The following C2CD3 variants were observed in gnomAD, a reference collection of about 807,000 sequenced individuals.
C2CD3 encodes the protein C2 domain-containing protein 3.
C2CD3 carries 148 observed loss-of-function variants against 234.0 expected under a neutral mutation model. The observed-to-expected ratio is 0.63, with a 90% CI of 0.55 to 0.72. The LOEUF (loss-of-function observed/expected upper bound fraction) is 0.72, where lower values mean the gene tolerates loss of function less well. C2CD3 is among the 30% of genes least tolerant of loss of function. C2CD3 has a pLI of 0.00. For synonymous variants in C2CD3, 1,000 were observed against 1,035.4 expected (o/e 0.97, Z 0.66); for missense variants, 2,577 against 2,811.5 (o/e 0.92, Z 1.89).
rs186543287 is a variant in C2CD3, at chr11:74,081,771, T to A, written c.4001-3054A>T. On this transcript the variant is annotated intron_variant, in intron 22 of 32. Coordinates refer to ENST00000334126, the MANE Select transcript of C2CD3 (RefSeq NM_001286577.2). Reference sequence around the variant, plus strand: ...CAAGAAAGGGAGTTCACTCATGATTTGGCTCTCTGTTTGTCTGCTATTGGT... The same window carrying A: ...CAAGAAAGGGAGTTCACTCATGATTAGGCTCTCTGTTTGTCTGCTATTGGT... Among the ~76,000 whole-genome samples, 560 of 152,360 alleles carry A rather than the reference T, an allele frequency of 3.7e-3. 2 individuals carry two copies. Among genetic ancestry groups the A allele is most frequent in the Non-Finnish European group, 6.4e-3 (438 of 68,042 alleles).
chr11:74,013,588 G>A (rs1951771193), intron 32 of C2CD3, 63 bp from the exon 33 acceptor site: 1 of 1,039,626 alleles, frequency 9.6e-7, no homozygotes, highest in East Asian at 3.2e-5. Context: ...GGATGACGCT[G>A]GTTTCTCTCA....
chr11:74,107,299 T>C (rs1487084953), intron 12 of C2CD3, among the ~76,000 whole-genome samples: 2 of 148,042 alleles, frequency 1.4e-5, no homozygotes, highest in African/African-American at 5.2e-5. Flanking sequence ...CACTCCAGCC[T>C]GGGCAACAAG....
chr11:74,084,972 T>A lies in C2CD3; in HGVS notation c.3911-2A>T, dbSNP rs149366137. The A allele has an allele frequency of 1.7e-4, 269 of 1,597,040 alleles. No homozygotes were observed. The highest frequency in any genetic ancestry group is 2.2e-4 in the Non-Finnish European group (256 of 1,165,592). ...ACTCAATACTGATTATATCACTTGCTGTTAAATCAAGCAAAAAAGAAAAAT... is the reference window on the plus strand; with the variant it reads ...ACTCAATACTGATTATATCACTTGCAGTTAAATCAAGCAAAAAAGAAAAAT... On this transcript the variant is annotated splice_acceptor_variant, in intron 21 of 32. Coordinates refer to ENST00000334126, the MANE Select transcript of C2CD3 (RefSeq NM_001286577.2). LOFTEE classifies it high-confidence loss of function.
intron 24 of C2CD3, among the ~76,000 whole-genome samples, chr11:74,068,284 C>T (rs576477002): frequency 7.9e-5 from 12 of 152,120 alleles, no homozygotes; most frequent in Admixed American, 2.6e-4. Flanking sequence ...CTAATTTCTT[C>T]CAATAAAATG....
Position 74,074,486 on chromosome 11 carries a change from G to A in C2CD3, c.4718C>T (p.Ser1573Phe). The A allele has an allele frequency of 1.2e-6, 2 of 1,614,198 alleles. No homozygotes were observed. Among genetic ancestry groups the A allele is most frequent in the Non-Finnish European group, 1.7e-6 (2 of 1,180,014 alleles). The change falls in exon 24 of 33, where the codon TCC becomes TTC. Residue 1573 changes from serine to phenylalanine, a missense_variant. Physicochemically the swap from Ser to Phe is radical, Grantham distance 155 (BLOSUM62 -2). Transcript: ENST00000334126. ...CTCACTGTGGCTGCTGCAGTCCATG[G>A]AGTCCAGCTCATGAGTGGGCTCAAG... ...SHLEPTHELD[S>F]MDCSSHSESE...
At chr11:74,168,651 A>T in intron 1 of C2CD3, 38 bp from the exon 2 acceptor site, 1 of 1,566,290 alleles carries the variant, frequency 6.4e-7, no homozygotes, top group Non-Finnish European at 8.7e-7. Flanking sequence ...CAAAATTTAG[A>T]CTAAATATAG....
At chr11:74,048,491 C>A (rs1322503241) in intron 27 of C2CD3, among the ~76,000 whole-genome samples, 153 bp from the exon 28 acceptor site, 2 of 152,200 alleles carry the variant, frequency 1.3e-5, no homozygotes, top group Non-Finnish European at 2.9e-5. Flanking sequence ...CATACATTTT[C>A]TCATTTATAA....
Position 74,013,525 on chromosome 11 carries a change from C to T in C2CD3, c.6922G>A (p.Asp2308Asn). 7.5e-7 allele frequency: 1 copy of T among 1,335,382 alleles called. No homozygotes were observed. The highest frequency in any genetic ancestry group is 9.6e-7 in the Non-Finnish European group (1 of 1,044,318). 82.7% of individuals were successfully genotyped at this position (1,335,382 alleles called of 1,614,324 possible). The change falls in exon 33 of 33, where the codon GAC becomes AAC. Residue 2308 changes from aspartate to asparagine, a missense_variant and splice_region_variant. By Grantham distance (23) the Asp-to-Asn change is conservative (BLOSUM62 1). Transcript: ENST00000334126. ...TLPPAATTDQ[D>N]KSEATRGALS... is the part of the protein sequence containing the mutation. The stretch of plus-strand genomic sequence containing the variant: ...GCTCCCCTGGTGGCTTCGCTCTTGT[C>T]CTGGAGAGGAAGAAGTCAGCTAGGT...
intron 22 of C2CD3, among the ~76,000 whole-genome samples, chr11:74,079,297 G>A (rs528697951): frequency 6.6e-6 from 1 of 152,246 alleles, no homozygotes; most frequent in South Asian, 2.1e-4. Flanking sequence ...GAACTCCTGG[G>A]CTCAAGTCAT....
In C2CD3 at chr11:74,159,633, T is replaced by C. The variant is rs568671351; in HGVS notation, c.483+1766A>G. ...CCTGTAAAATGTGTTTGTGTTTTAA[T>C]TGTTATTACAAAAGTCAAAAAGTTA... On this transcript the variant is annotated intron_variant, in intron 3 of 32. Coordinates refer to ENST00000334126, the MANE Select transcript of C2CD3 (RefSeq NM_001286577.2). Among the ~76,000 whole-genome samples, 5 of 147,852 alleles carry C rather than the reference T, an allele frequency of 3.4e-5. No homozygotes were observed. In the South Asian group the frequency reaches 6.3e-4, roughly 19 times the overall value.
chr11:74,042,320 T>G, intron 28 of C2CD3, 102 bp from the exon 29 acceptor site: 1 of 1,179,384 alleles, frequency 8.5e-7, no homozygotes, highest in Non-Finnish European at 1.2e-6. Flanking sequence ...TGAAATGGAA[T>G]GCAAATCTAT....
intron 3 of C2CD3, among the ~76,000 whole-genome samples, chr11:74,145,810 C>T (rs1855143725): frequency 6.6e-6 from 1 of 152,080 alleles, no homozygotes; most frequent in Admixed American, 6.6e-5. Context: ...GAAGTCCTTT[C>T]CCCCAAATTT....
chr11:74,064,209 C>T (rs953198787), intron 24 of C2CD3, among the ~76,000 whole-genome samples: 2 of 152,034 alleles, frequency 1.3e-5, no homozygotes, highest in Admixed American at 6.6e-5. Context: ...CATCCATGTC[C>T]CTATAAGCAA....
At chr11:74,113,928 A>G (rs1956840640) in intron 10 of C2CD3, 36 bp from the exon 11 acceptor site, 1 of 1,231,556 alleles carries the variant, frequency 8.1e-7, no homozygotes, top group Non-Finnish European at 1.2e-6. Context: ...AAACTAACCA[A>G]ACAATAAACC....
rs1425766571 is a variant in C2CD3 at position 74,106,477 on chromosome 11, G to A, written c.1979C>T (p.Ser660Phe). 2 of 1,613,720 alleles carry A rather than the reference G, an allele frequency of 1.2e-6. No individual in the cohort carries two copies. The highest frequency in any genetic ancestry group is 2.7e-5 in the African/African-American group (2 of 74,914). Reference sequence around the variant, plus strand: ...GACAGCTCGCAAAGAAAGTGACACAGATCCAATGACTTCTGGCTGAGAAAG... The same window carrying A: ...GACAGCTCGCAAAGAAAGTGACACAAATCCAATGACTTCTGGCTGAGAAAG... ...TPQKKPEVIG[S>F]VSLSLRAVIQ... The change falls in exon 13 of 33, where the codon TCT becomes TTT. Residue 660 changes from serine to phenylalanine, a missense_variant. By Grantham distance (155) the Ser-to-Phe change is radical. Coordinates refer to ENST00000334126, the MANE Select transcript of C2CD3 (RefSeq NM_001286577.2).
chr11:74,051,224 A>T (rs562396477), intron 26 of C2CD3, among the ~76,000 whole-genome samples: 1 of 146,952 alleles, frequency 6.8e-6, no homozygotes, highest in Non-Finnish European at 1.5e-5. Context: ...TGAGCTCAGG[A>T]GTTCACAGCT....
In C2CD3 at chr11:74,150,505, AAAAAAAAAAACAAAAAAAAAAC is replaced by A. The variant is rs1330099732; in HGVS notation, c.484-10699_484-10678del. On this transcript the variant is annotated intron_variant, in intron 3 of 32. Coordinates refer to ENST00000334126, the MANE Select transcript of C2CD3 (RefSeq NM_001286577.2). Reference sequence around the variant, plus strand: ...AAGACCCTGTCTCAAAAAAAAAAAAAAAAAAAAAAACAAAAAAAAAACAAAACAAATTTCTAAGCTTTTTAAA... The same window carrying A: ...AAGACCCTGTCTCAAAAAAAAAAAAAAAAACAAATTTCTAAGCTTTTTAAA... Among the ~76,000 whole-genome samples, 107 of 91,064 alleles carry A rather than the reference AAAAAAAAAAACAAAAAAAAAAC, an allele frequency of 1.2e-3. 4 individuals are homozygous for A. The highest frequency in any genetic ancestry group is 8.3e-3 in the East Asian group (26 of 3,118). The allele number at this position is 91,064 out of a possible 152,430, so 59.7% of individuals were successfully genotyped here.
chr11:74,078,680 G>C lies in C2CD3; in HGVS notation c.4038C>G (p.Asp1346Glu), dbSNP rs777632461. 2.2e-5 allele frequency: 36 copies of C among 1,611,334 alleles called. No homozygotes were observed. The highest frequency in any genetic ancestry group is 3.1e-5 in the Non-Finnish European group (36 of 1,178,774). Residue 1346 changes from aspartate (D) to glutamate (E), a missense_variant, in exon 23 of 33, where the codon GAC (aspartate) becomes GAG (glutamate). By Grantham distance (45) the Asp-to-Glu change is conservative. Coordinates refer to ENST00000334126, the MANE Select transcript of C2CD3 (RefSeq NM_001286577.2). ...GCTCCAGGCCATGAGGTAGGCCCCC[G>C]TCTTCTGGTAAAATGATAGGATACC... ...TGWYPIILPE[D>E]GGLPHGLELM...
intron 1 of C2CD3, among the ~76,000 whole-genome samples, chr11:74,170,341 A>G (rs1019354414): frequency 1.3e-5 from 2 of 152,156 alleles, no homozygotes; most frequent in African/African-American, 4.8e-5. Context: ...GTAATGTATA[A>G]AACGTGATTC....
Sources: allele counts gnomAD v4.1 joint callset (sites outside exome capture counted in the v4.1 genomes callset), GRCh38; gene constraint gnomAD v4.1.1; transcripts MANE v1.5; gene names NCBI Gene and HGNC (gene_info 2026-07-23, HGNC 2026-07-21).